Variants in OTUD3 observed in about 807,000 individuals in gnomAD.
OTUD3 encodes OTU domain-containing protein 3.
OTUD3 carries 24 observed loss-of-function variants against 46.2 expected under a neutral mutation model. The observed-to-expected ratio is 0.52, with a 90% CI of 0.38 to 0.73. The LOEUF (loss-of-function observed/expected upper bound fraction) is 0.73. OTUD3 is among the 30% of genes least tolerant of loss of function. OTUD3 has a pLI of 0.00. For synonymous variants in OTUD3, 189 were observed against 195.4 expected (o/e 0.97, Z 0.27); for missense variants, 455 against 523.3 (o/e 0.87, Z 1.27).
rs966283051 is a variant in OTUD3 at position 19,894,389 on chromosome 1, G to C, written c.392G>C (p.Gly131Ala). 6.2e-7 allele frequency: 1 copy of C among 1,607,698 alleles called. No individual in the cohort carries two copies. The highest frequency in any genetic ancestry group is 8.5e-7 in the Non-Finnish European group (1 of 1,176,560). ...GCAGTGGCCAGTTTGGCAAAGCCTG[G>C]TACTTTTGCTGGCAATGATGCAATT... ...EKHVASLAKP[G>A]TFAGNDAIVA... The change falls in exon 3 of 8, where the codon GGT becomes GCT. Residue 131 changes from glycine to alanine, a missense_variant. By Grantham distance (60) the Gly-to-Ala change is moderately conservative. Transcript: ENST00000375120.
In OTUD3 at chr1:19,909,645, T is replaced by G. The variant is rs1308161047; in HGVS notation, c.*1899T>G. On this transcript the variant is annotated 3_prime_UTR_variant, in exon 8 of 8. Transcript: ENST00000375120. Reference sequence around the variant, plus strand: ...GCTTGAGTGCAGAGGCCAGATCCTCTCAGAAAGATAAGATTGTATGCCAGA... The same window carrying G: ...GCTTGAGTGCAGAGGCCAGATCCTCGCAGAAAGATAAGATTGTATGCCAGA... 6.6e-6 allele frequency: 1 copy of G among 152,344 alleles called. No homozygotes were observed. Among genetic ancestry groups the G allele is most frequent in the African/African-American group, 2.4e-5 (1 of 41,446 alleles). The allele number at this position is 152,344 out of a possible 1,614,324, so 9.4% of individuals were successfully genotyped here.
chr1:19,888,266 C>T (rs1355707324), intron 1 of OTUD3, among the ~76,000 whole-genome samples: 1 of 152,192 alleles, frequency 6.6e-6, no homozygotes, highest in Non-Finnish European at 1.5e-5. Context: ...GATTGAGAAG[C>T]CCTGCTATAG....
intron 2 of OTUD3, among the ~76,000 whole-genome samples, chr1:19,891,675 G>A (rs1473356878): frequency 6.6e-6 from 1 of 152,172 alleles, no homozygotes; most frequent in Non-Finnish European, 1.5e-5. Flanking sequence ...TGGCTGTACC[G>A]TTAGCAAGAG....
rs746671596 is a variant in OTUD3, at chr1:19,904,338, C to T, written c.678C>T (p.Asp226=). 9.3e-6 allele frequency: 15 copies of T among 1,612,188 alleles called. No homozygotes were observed. The highest frequency in any genetic ancestry group is 1.3e-5 in the African/African-American group (1 of 74,864). ...KIKTKGMDSE[D]DLRDEVEDAV... ...AGACAAAGGGAATGGACTCTGAAGA[C>T]GACCTGAGAGATGAAGTAGAGGATG... Residue 226 remains aspartate (D), a synonymous_variant, in exon 5 of 8, where the codon GAC becomes GAT. Transcript: ENST00000375120.
chr1:19,904,901 T>TA lies in OTUD3; in HGVS notation c.751dup (p.Ile251AsnfsTer8). On this transcript the variant is annotated frameshift_variant, in exon 6 of 8. Transcript: ENST00000375120. LOFTEE classifies it high-confidence loss of function. ...TTGTTTCTTGGATAGGATTTTAATT[T>TA]AATAGTCCAGAACCTGGAAGCTGAA... The TA allele has an allele frequency of 6.5e-7, 1 of 1,533,906 alleles. No individual in the cohort carries two copies. The highest frequency in any genetic ancestry group is 9.0e-7 in the Non-Finnish European group (1 of 1,116,426).
Position 19,912,264 on chromosome 1 carries a change from G to A in OTUD3, c.*4518G>A, listed in dbSNP as rs973290321. 6.6e-6 allele frequency: 1 copy of A among 152,332 alleles called. No homozygotes were observed. The allele number at this position is 152,332 out of a possible 1,614,324, so 9.4% of individuals were successfully genotyped here. A position where few individuals can be genotyped will look rare whatever the true frequency, so the allele number is the denominator to read the frequency against. ...CTGCGGCAGGCTGCCAGCCATCCAT[G>A]ACAATCATGTGAGCTCAGCCACAGA... On this transcript the variant is annotated 3_prime_UTR_variant, in exon 8 of 8. Coordinates refer to ENST00000375120, the MANE Select transcript of OTUD3 (RefSeq NM_015207.2).
At chr1:19,883,362 G>C (rs977944740) in intron 1 of OTUD3, among the ~76,000 whole-genome samples, 1 of 152,192 alleles carries the variant, frequency 6.6e-6, no homozygotes, top group Non-Finnish European at 1.5e-5. Flanking sequence ...GAACGCGGAG[G>C]GGGAGAGTGG....
intron 3 of OTUD3, 82 bp downstream of exon 3, chr1:19,894,562 C>A: frequency 1.2e-6 from 1 of 814,648 alleles, no homozygotes; most frequent in Non-Finnish European, 2.0e-6. Flanking sequence ...GGGGCTTGAC[C>A]TGTGAACATT....
chr1:19,882,566 C>G lies in OTUD3; in HGVS notation c.53C>G (p.Ala18Gly). The G allele has an allele frequency of 7.2e-7, 1 of 1,384,690 alleles. No homozygotes were observed. The highest frequency in any genetic ancestry group is 9.3e-7 in the Non-Finnish European group (1 of 1,076,152). 85.8% of individuals were successfully genotyped at this position (1,384,690 alleles called of 1,614,324 possible). A position where few individuals can be genotyped will look rare whatever the true frequency, so the allele number is the denominator to read the frequency against. ...CGGCCGGGCAGCGGCAGCCGGAAAG[C>G]CGAGGCCGAGCGCAAGCGGGACGAG... Reference protein sequence around the residue: ...KSRPGSGSRKAEAERKRDERA... With the variant: ...KSRPGSGSRKGEAERKRDERA... Residue 18 changes from alanine (A) to glycine (G), a missense_variant, in exon 1 of 8, where the codon GCC becomes GGC. Physicochemically the swap from Ala to Gly is moderately conservative, Grantham distance 60. Coordinates refer to ENST00000375120, the MANE Select transcript of OTUD3 (RefSeq NM_015207.2).
In OTUD3 at chr1:19,882,607, G is replaced by C. The variant is rs2045284563; in HGVS notation, c.94G>C (p.Ala32Pro). The change falls in exon 1 of 8, where the codon GCC (alanine) becomes CCC (proline). Residue 32 changes from alanine (A) to proline (P), a missense_variant. Coordinates refer to ENST00000375120, the MANE Select transcript of OTUD3 (RefSeq NM_015207.2). Reference protein sequence around the residue: ...RKRDERAARRALAKERRNRPE... With the variant: ...RKRDERAARRPLAKERRNRPE... ...GCGGGACGAGCGGGCGGCGCGCCGG[G>C]CCCTGGCCAAGGAGCGGCGGAATCG... 1 of 1,446,152 alleles carries C rather than the reference G, an allele frequency of 6.9e-7. No individual in the cohort carries two copies. 89.6% of individuals were successfully genotyped at this position (1,446,152 alleles called of 1,614,324 possible).
At chr1:19,893,084 G>C (rs1053565438) in intron 2 of OTUD3, among the ~76,000 whole-genome samples, 1 of 151,912 alleles carries the variant, frequency 6.6e-6, no homozygotes, top group Non-Finnish European at 1.5e-5. Flanking sequence ...TTGTCCTTTG[G>C]GTATTAGCTT....
chr1:19,894,188 T>C (rs1003692805), intron 2 of OTUD3, among the ~76,000 whole-genome samples, 180 bp from the exon 3 acceptor site: 1 of 152,252 alleles, frequency 6.6e-6, no homozygotes, highest in Non-Finnish European at 1.5e-5. Flanking sequence ...CTAGTGTTCT[T>C]CTGAGTAGCA....
In OTUD3 at chr1:19,897,649, A is replaced by G. The variant is rs2045535248; in HGVS notation, c.593A>G (p.His198Arg). The G allele has an allele frequency of 6.2e-7, 1 of 1,613,390 alleles. No homozygotes were observed. The highest frequency in any genetic ancestry group is 8.5e-7 in the Non-Finnish European group (1 of 1,179,694). Residue 198 changes from histidine to arginine, a missense_variant, in exon 4 of 8, where the codon CAT becomes CGT. His to Arg is a conservative substitution (Grantham distance 29). Transcript: ENST00000375120. The stretch of plus-strand genomic sequence containing the variant: ...AATGACAACTCAGAGGCACCTGCAC[A>G]TCTCCAGACGGATGTGAGTGAGGCC... ...RINDNSEAPA[H>R]LQTDFQMLHQ...
At chr1:19,896,523 G>T (rs1030377757) in intron 3 of OTUD3, among the ~76,000 whole-genome samples, 3 of 152,174 alleles carry the variant, frequency 2.0e-5, no homozygotes, top group African/African-American at 7.2e-5. Flanking sequence ...CTGCACTTGA[G>T]ATCTGCGTAT....
At chr1:19,900,620 A>G (rs1263997318) in intron 4 of OTUD3, among the ~76,000 whole-genome samples, 1 of 152,182 alleles carries the variant, frequency 6.6e-6, no homozygotes, top group Non-Finnish European at 1.5e-5. Context: ...ACCATTGATT[A>G]ATTATACATC....
chr1:19,906,551 GAAAACAAT>G lies in OTUD3; in HGVS notation c.958_965del (p.Asn320GlyfsTer6), dbSNP rs1461438608. 1 of 1,613,632 alleles carries G rather than the reference GAAAACAAT, an allele frequency of 6.2e-7. No homozygotes were observed. The highest frequency in any genetic ancestry group is 8.5e-7 in the Non-Finnish European group (1 of 1,179,988). On this transcript the variant is annotated frameshift_variant, in exon 7 of 8. Coordinates refer to ENST00000375120, the MANE Select transcript of OTUD3 (RefSeq NM_015207.2). LOFTEE classifies it high-confidence loss of function. ...TCAGGGCTTAAATGAAGGCAGGACC[GAAAACAAT>G]AAGGCACAGGCCAGCCCTAGTGAAG...
chr1:19,896,929 T>A (rs573471853), intron 3 of OTUD3, among the ~76,000 whole-genome samples: 1 of 152,284 alleles, frequency 6.6e-6, no homozygotes, highest in Admixed American at 6.5e-5. Context: ...TGTAATTTTG[T>A]TTTGAAGCTG....
At chr1:19,886,958 A>G (rs1237846688) in intron 1 of OTUD3, among the ~76,000 whole-genome samples, 1 of 152,276 alleles carries the variant, frequency 6.6e-6, no homozygotes. Context: ...TAGTAACTAC[A>G]TTAAAAAGAA....
Position 19,911,719 on chromosome 1 carries a change from A to G in OTUD3, c.*3973A>G, listed in dbSNP as rs2045735862. The G allele has an allele frequency of 6.6e-6, 1 of 152,184 alleles. No homozygotes were observed. The highest frequency in any genetic ancestry group is 2.4e-5 in the African/African-American group (1 of 41,382). 9.4% of individuals were successfully genotyped at this position (152,184 alleles called of 1,614,324 possible). A position where few individuals can be genotyped will look rare whatever the true frequency, so the allele number is the denominator to read the frequency against. ...TTGTATTTTTTTAATGACATCATTG[A>G]TTTGAAGATCTAGATGGCATAAATT... is the stretch of plus-strand genomic sequence containing the variant. On this transcript the variant is annotated 3_prime_UTR_variant, in exon 8 of 8. Coordinates refer to ENST00000375120, the MANE Select transcript of OTUD3 (RefSeq NM_015207.2).
Sources: gnomAD v4.1 joint callset for allele counts (sites outside exome capture counted in the v4.1 genomes callset) on GRCh38, gnomAD v4.1.1 for gene constraint, MANE v1.5 for transcripts, NCBI Gene and HGNC (gene_info 2026-07-23, HGNC 2026-07-21) for gene names.